AKR1C2: variants seen among roughly 807,000 people sequenced by gnomAD.
The protein encoded by AKR1C2 is 3-alpha-HSD3.
Under a neutral mutation model 39.8 loss-of-function variants are expected in AKR1C2, and 27 were observed. That is an observed-to-expected ratio of 0.68 (90% CI 0.50 to 0.93). The LOEUF (loss-of-function observed/expected upper bound fraction) is 0.93, where lower values mean the gene tolerates loss of function less well. AKR1C2 is among the 40% of genes least tolerant of loss of function. The pLI is 0.00. For missense variants in AKR1C2, 263 were observed against 365.1 expected (o/e 0.72, Z 2.28); for synonymous variants, 114 against 137.9 (o/e 0.83, Z 1.22).
Position 4,989,386 on chromosome 10 carries a change from TC to T in AKR1C2, c.*609del, listed in dbSNP as rs1836761387. On this transcript the variant is annotated 3_prime_UTR_variant, in exon 9 of 9. Transcript: ENST00000380753. ...TACTCGACTCTGTCCTATTTAGCCT[TC>T]CCATACCTGACTTCTAATCACTTTT... 1 of 151,942 alleles carries T rather than the reference TC, an allele frequency of 6.6e-6. No homozygotes were observed. The highest frequency in any genetic ancestry group is 2.4e-5 in the African/African-American group (1 of 41,284). The allele number at this position is 151,942 out of a possible 1,614,324, so 9.4% of individuals were successfully genotyped here. A position where few individuals can be genotyped will look rare whatever the true frequency, so the allele number is the denominator to read the frequency against.
At chr10:5,000,911 A>T (rs1554773779) in intron 2 of AKR1C2, among the ~76,000 whole-genome samples, 1 of 152,226 alleles carries the variant, frequency 6.6e-6, no homozygotes, top group Non-Finnish European at 1.5e-5. Context: ...AAAAGTTGTT[A>T]TCAAATCATA....
upstream of AKR1C2, chr10:5,007,602 T>C (rs1450509551): frequency 6.7e-6 from 1 of 149,742 alleles, no homozygotes. Flanking sequence ...ATATTGTTAG[T>C]TGAGGATATA....
At chr10:5,005,626 T>A (rs545234896), upstream of AKR1C2, among the ~76,000 whole-genome samples, 1 of 152,254 alleles carries the variant, frequency 6.6e-6, no homozygotes, top group East Asian at 1.9e-4. Flanking sequence ...GAGGTTGCAG[T>A]GAGCCGAGAT....
intron 1 of AKR1C2, among the ~76,000 whole-genome samples, chr10:5,014,744 C>T (rs1435663292): frequency 2.0e-5 from 3 of 152,220 alleles, no homozygotes; most frequent in African/African-American, 7.2e-5. Flanking sequence ...CAATGTCTAA[C>T]AGCTGTTTCC....
intron 1 of AKR1C2, among the ~76,000 whole-genome samples, chr10:5,012,810 G>C (rs1281619254): frequency 4.6e-5 from 7 of 152,108 alleles, no homozygotes; most frequent in South Asian, 4.2e-4. Flanking sequence ...TCTCTCTCCT[G>C]CATCATCAAT....
chr10:4,994,616 C>G (rs1836966929), intron 7 of AKR1C2, among the ~76,000 whole-genome samples: 1 of 151,932 alleles, frequency 6.6e-6, no homozygotes, highest in Non-Finnish European at 1.5e-5. Flanking sequence ...GGATAAAGAA[C>G]TGCATGGGAG....
chr10:4,994,016 G>C (rs9804390), intron 7 of AKR1C2, among the ~76,000 whole-genome samples: 23,540 of 150,916 alleles, frequency 0.16, 1,980 homozygotes, highest in East Asian at 0.3. Context: ...TTATTCTCTC[G>C]TTCTCTGTAT....
upstream of AKR1C2, among the ~76,000 whole-genome samples, chr10:5,007,130 G>A (rs1554774501): frequency 5.4e-5 from 8 of 147,212 alleles, no homozygotes; most frequent in African/African-American, 1.5e-4. Flanking sequence ...AGCTGCAGGA[G>A]TTCATTGCCA....
chr10:5,003,976 G>C, upstream of AKR1C2: 1 of 610,970 alleles, frequency 1.6e-6, no homozygotes, highest in Non-Finnish European at 2.9e-6. Context: ...TCTTACACAA[G>C]CTGTGATAAA....
intron 7 of AKR1C2, among the ~76,000 whole-genome samples, chr10:4,993,299 T>A (rs1290641960): frequency 5.9e-5 from 9 of 152,194 alleles, no homozygotes; most frequent in African/African-American, 9.7e-5. Context: ...GAAAAGTGAA[T>A]AAGTTAACTG....
At chr10:5,003,204 GTT>G (rs76620886) in intron 1 of AKR1C2, among the ~76,000 whole-genome samples, 5 of 139,274 alleles carry the variant, frequency 3.6e-5, no homozygotes, top group African/African-American at 5.2e-5. Context: ...TTTGGTTCTA[GTT>G]TTTTTTTTTT....
intron 5 of AKR1C2, chr10:4,997,162 G>C (rs1271980034): frequency 6.6e-6 from 1 of 152,308 alleles, no homozygotes; most frequent in Non-Finnish European, 1.5e-5. Context: ...GAAAAACACA[G>C]CATGATAAAA....
intron 5 of AKR1C2, among the ~76,000 whole-genome samples, chr10:4,998,311 C>T (rs1837131483): frequency 6.6e-6 from 1 of 152,150 alleles, no homozygotes; most frequent in Admixed American, 6.5e-5. Flanking sequence ...CCCGTCCACT[C>T]TCTGGTCATC....
At position 4,988,381 on chromosome 10, in the gene AKR1C2, A is replaced by C. The variant is rs1318603584; in HGVS notation, c.*1615T>G. ...AACATGGAGATGCAGAGTTCACATT[A>C]TGATCTTCCATTGAAGATTTGGAGG... On this transcript the variant is annotated 3_prime_UTR_variant, in exon 9 of 9. Coordinates refer to ENST00000380753, the MANE Select transcript of AKR1C2 (RefSeq NM_001393392.1). The C allele has an allele frequency of 6.6e-6, 1 of 152,056 alleles. No individual in the cohort carries two copies. Among genetic ancestry groups the C allele is most frequent in the Non-Finnish European group, 1.5e-5 (1 of 68,026 alleles). 9.4% of individuals were successfully genotyped at this position (152,056 alleles called of 1,614,324 possible).
At chr10:5,010,791 G>T (rs78212201) in intron 1 of AKR1C2, 2 of 152,074 alleles carry the variant, frequency 1.3e-5, no homozygotes, top group East Asian at 1.9e-4. Flanking sequence ...AAAGTTAGAC[G>T]TGCAACCTTG....
At chr10:5,000,226 T>C in intron 3 of AKR1C2, 1 of 1,438,260 alleles carries the variant, frequency 7.0e-7, no homozygotes, top group East Asian at 2.5e-5. Flanking sequence ...AAACTCTGTG[T>C]CTGTGAACAT....
Position 4,998,848 on chromosome 10 carries a change from A to C in AKR1C2, c.448-101T>G, listed in dbSNP as rs370064893. 7.3e-5 allele frequency: 112 copies of C among 1,535,598 alleles called. 1 individual carries two copies. The South Asian group carries it at 8.5e-4, about 12-fold the overall frequency. On this transcript the variant is annotated intron_variant, in intron 4 of 8. Coordinates refer to ENST00000380753, the MANE Select transcript of AKR1C2 (RefSeq NM_001393392.1). ...AAGCAACAACTGTCTAGACGTGACAATCAAACTAGCTAGCCGTGGTTCTTA... is the reference window on the plus strand; with the variant it reads ...AAGCAACAACTGTCTAGACGTGACACTCAAACTAGCTAGCCGTGGTTCTTA...
At chr10:5,006,828 T>C (rs1404123644), upstream of AKR1C2, among the ~76,000 whole-genome samples, 2 of 150,194 alleles carry the variant, frequency 1.3e-5, no homozygotes, top group Non-Finnish European at 3.0e-5. Context: ...CAGGCTGGAG[T>C]GCAGTGGTAC....
intron 8 of AKR1C2, among the ~76,000 whole-genome samples, chr10:4,991,034 A>C (rs1836823021): frequency 6.6e-6 from 1 of 151,106 alleles, no homozygotes; most frequent in East Asian, 1.9e-4. Flanking sequence ...CAGTTACATA[A>C]CTTCTTTTTC....
Sources: gnomAD v4.1 joint callset for allele counts (sites outside exome capture counted in the v4.1 genomes callset) on GRCh38, gnomAD v4.1.1 for gene constraint, MANE v1.5 for transcripts, NCBI Gene and HGNC (gene_info 2026-07-23, HGNC 2026-07-21) for gene names.